Variants in CTTNBP2 observed in about 807,000 individuals in gnomAD.
The protein encoded by CTTNBP2 is cortactin binding protein 2.
In CTTNBP2, 108 loss-of-function variants were observed where a neutral mutation model predicts 156.9. The ratio of observed to expected loss-of-function variants is 0.69; its 90% confidence interval spans 0.59 to 0.81. CTTNBP2 has a LOEUF of 0.81. CTTNBP2 is among the 30% of genes least tolerant of loss of function. The pLI is 0.00. For synonymous variants in CTTNBP2, 767 were observed against 751.8 expected, an observed-to-expected ratio of 1.02 and a Z score of -0.33; for missense variants, 1,924 against 2,035.4, an observed-to-expected ratio of 0.95 and a Z score of 1.05.
At chr7:117,848,489 A>G (rs566884394) in intron 2 of CTTNBP2, among the ~76,000 whole-genome samples, 1 of 152,292 alleles carries the variant, frequency 6.6e-6, no homozygotes, top group African/African-American at 2.4e-5. Flanking sequence ...ACACTACCCA[A>G]TATCTCCAAT....
At chr7:117,767,547 T>C (rs996444847) in intron 8 of CTTNBP2, among the ~76,000 whole-genome samples, 4 of 152,208 alleles carry the variant, frequency 2.6e-5, no homozygotes, top group African/African-American at 4.8e-5. Flanking sequence ...AAAAAGACTT[T>C]TGCTATAACG....
chr7:117,821,361 T>C (rs981175415), intron 2 of CTTNBP2, among the ~76,000 whole-genome samples: 2 of 151,832 alleles, frequency 1.3e-5, no homozygotes, highest in African/African-American at 4.8e-5. Context: ...CAGTTTTCTT[T>C]TTGTTTTTTG....
chr7:117,804,720 T>C (rs1168676599), intron 3 of CTTNBP2, among the ~76,000 whole-genome samples: 1 of 152,138 alleles, frequency 6.6e-6, no homozygotes, highest in Non-Finnish European at 1.5e-5. Context: ...AGCTGAACAA[T>C]GTCAACACAT....
intron 3 of CTTNBP2, among the ~76,000 whole-genome samples, chr7:117,807,555 T>C (rs1224451643): frequency 6.6e-6 from 1 of 152,216 alleles, no homozygotes; most frequent in Non-Finnish European, 1.5e-5. Context: ...TTTATGATTC[T>C]CCCCTGTAGA....
intron 22 of CTTNBP2, 58 bp downstream of exon 22, chr7:117,717,960 T>C: frequency 2.9e-6 from 3 of 1,052,202 alleles, no homozygotes; most frequent in Admixed American, 3.5e-5. Flanking sequence ...AGATGATTTG[T>C]GAAGTCAATT....
chr7:117,728,023 C>A (rs1009534683), intron 17 of CTTNBP2, 66 bp downstream of exon 17: 5 of 1,442,048 alleles, frequency 3.5e-6, no homozygotes, highest in Admixed American at 3.8e-5. Flanking sequence ...AGCATTCTCA[C>A]CCTCAAACAT....
At chr7:117,772,986 A>C (rs1480039686) in intron 8 of CTTNBP2, among the ~76,000 whole-genome samples, 1 of 152,244 alleles carries the variant, frequency 6.6e-6, no homozygotes, top group Admixed American at 6.5e-5. Context: ...TGAGTATAAA[A>C]AGGCATTTTC....
At chr7:117,788,810 C>T (rs989321763) in intron 4 of CTTNBP2, among the ~76,000 whole-genome samples, 1 of 152,152 alleles carries the variant, frequency 6.6e-6, no homozygotes, top group Non-Finnish European at 1.5e-5. Context: ...CCAGTGCCTC[C>T]GTTCTCCCTT....
chr7:117,717,719 T>C (rs1430236639), intron 22 of CTTNBP2, among the ~76,000 whole-genome samples: 1 of 149,750 alleles, frequency 6.7e-6, no homozygotes, highest in Non-Finnish European at 1.5e-5. Context: ...AGAACTACAA[T>C]ATTTCTAGTT....
intron 2 of CTTNBP2, 28 bp downstream of exon 2, chr7:117,861,181 T>A: frequency 7.2e-7 from 1 of 1,390,306 alleles, no homozygotes; most frequent in Non-Finnish European, 1.0e-6. Flanking sequence ...TGATCCAGCA[T>A]GGAGACCCAC....
Position 117,780,474 on chromosome 7 carries a change from C to T in CTTNBP2, c.2490G>A (p.Leu830=). The T allele has an allele frequency of 6.3e-7, 1 of 1,591,326 alleles. No homozygotes were observed. The highest frequency in any genetic ancestry group is 1.2e-5 in the South Asian group (1 of 86,460). ...NGNKECIKLL[L]EAGTNRSVKT... ...TTACACTTCGATTGGTTCCAGCTTC[C>T]AACAAGAGTTTAATACATTCTTTAT... Residue 830 remains leucine, a synonymous_variant, in exon 7 of 23, where the codon TTG becomes TTA. Coordinates refer to ENST00000160373, the MANE Select transcript of CTTNBP2 (RefSeq NM_033427.3).
rs546254393 is a variant in CTTNBP2 at position 117,792,831 on chromosome 7, T to C, written c.415-50A>G. The C allele has an allele frequency of 1.5e-4, 196 of 1,297,974 alleles. No homozygotes were observed. In the African/African-American group the frequency reaches 2.6e-3, roughly 17 times the overall value. 80.4% of individuals were successfully genotyped at this position (1,297,974 alleles called of 1,614,324 possible). ...CTGATTAATATACAGAATTTTCTTT[T>C]CACCAAGGAAATGCTTTTTGTGAGA... is the stretch of plus-strand genomic sequence containing the variant. On this transcript the variant is annotated intron_variant, in intron 3 of 22. Transcript: ENST00000160373. This position sits in a 1 kb window ranked among gnomAD's most constrained non-coding sequence, Gnocchi z 4.2.
chr7:117,747,511 G>A (rs965889138), intron 12 of CTTNBP2, among the ~76,000 whole-genome samples: 3 of 152,186 alleles, frequency 2.0e-5, no homozygotes, highest in Non-Finnish European at 2.9e-5. Flanking sequence ...GGTGGCTCAC[G>A]CCTTTAATCC....
In CTTNBP2 at chr7:117,760,462, C is replaced by T. The variant is rs749188219; in HGVS notation, c.3145G>A (p.Ala1049Thr). The change falls in exon 10 of 23, where the codon GCA becomes ACA. Residue 1049 changes from alanine (A) to threonine (T), a missense_variant. Physicochemically the swap from Ala to Thr is moderately conservative, Grantham distance 58. Transcript: ENST00000160373. ...NTTDSNIGLSARSIRSITLGN... is the reference protein window; with the variant it reads ...NTTDSNIGLSTRSIRSITLGN... ...AGCGTGATGGATCGTATGCTTCTTG[C>T]ACTGAGGCCGATGTTGGAATCAGTG... 6 of 1,614,088 alleles carry T rather than the reference C, an allele frequency of 3.7e-6. No homozygotes were observed. The South Asian group carries it at 4.4e-5, about 12-fold the overall frequency.
In CTTNBP2 at chr7:117,803,405, G is replaced by C. The variant is rs1270741574; in HGVS notation, c.414+7360C>G. The stretch of plus-strand genomic sequence containing the variant: ...ACTCCAAAAGAGGGGAAAGGGGAAA[G>C]GACTGAAAAACTACCTATTGGGTAC... On this transcript the variant is annotated intron_variant, in intron 3 of 22. Transcript: ENST00000160373. 6.6e-5 allele frequency among the ~76,000 whole-genome samples: 10 copies of C among 152,190 alleles called. No individual in the cohort carries two copies. In the South Asian group the frequency reaches 1.5e-3, roughly 22 times the overall value.
intron 16 of CTTNBP2, among the ~76,000 whole-genome samples, chr7:117,733,021 A>T (rs1038066665): frequency 2.0e-5 from 3 of 152,216 alleles, no homozygotes; most frequent in Admixed American, 1.3e-4. Context: ...TAAAAAGGGT[A>T]TAATTGTTTT....
intron 3 of CTTNBP2, among the ~76,000 whole-genome samples, chr7:117,799,441 T>G (rs1401799694): frequency 6.6e-6 from 1 of 151,914 alleles, no homozygotes; most frequent in African/African-American, 2.4e-5. Context: ...ATAAACTATT[T>G]TTTAAATCAA....
intron 19 of CTTNBP2, among the ~76,000 whole-genome samples, chr7:117,722,205 C>A (rs1034468898): frequency 6.6e-6 from 1 of 150,726 alleles, no homozygotes; most frequent in African/African-American, 2.4e-5. Context: ...GTCTCTTTAT[C>A]AAATTTGATA....
chr7:117,836,966 T>C (rs34320294), intron 2 of CTTNBP2, among the ~76,000 whole-genome samples: 1,716 of 152,300 alleles, frequency 0.011, 36 homozygotes, highest in African/African-American at 0.04. Flanking sequence ...AGATGAGATT[T>C]AGGTGGGGAT....
Sources: allele counts gnomAD v4.1 joint callset (sites outside exome capture counted in the v4.1 genomes callset), GRCh38; gene constraint gnomAD v4.1.1; non-coding constraint Gnocchi (gnomAD v3.1); transcripts MANE v1.5; gene names NCBI Gene and HGNC (gene_info 2026-07-23, HGNC 2026-07-21).